KLF8: variants seen among roughly 807,000 people sequenced by gnomAD.
KLF8 encodes the protein KLF transcription factor 8.
Under a neutral mutation model 18.2 loss-of-function variants are expected in KLF8, and 10 were observed. The observed-to-expected ratio is 0.55, with a 90% CI of 0.34 to 0.93. The LOEUF is 0.93. Among genes scored for constraint, KLF8 ranks in the 40% least tolerant of loss-of-function variants. The pLI is 0.02. For missense variants in KLF8, 264 were observed against 277.9 expected, an observed-to-expected ratio of 0.95 and a Z score of 0.36; for synonymous variants, 109 against 97.3, an observed-to-expected ratio of 1.12 and a Z score of -0.71.
At chrX:56,000,112 G>A in the KLF8 span, among the ~76,000 whole-genome samples, 49 of 111,237 alleles carry the variant, frequency 4.4e-4, no homozygotes, top group Non-Finnish European at 2.6e-4. Context: ...TAGGCTTTTT[G>A]TTTTTAATCC....
the KLF8 span, among the ~76,000 whole-genome samples, chrX:55,986,352 G>A: frequency 2.7e-5 from 3 of 112,135 alleles, no homozygotes. Context: ...ATGAATAGAT[G>A]TTAATTTTTA....
At chrX:55,950,377 A>G in the KLF8 span, among the ~76,000 whole-genome samples, 1 of 111,430 alleles carries the variant, frequency 9.0e-6, no homozygotes. Context: ...AAGCAGCATT[A>G]TGTAGTAGTT....
At position 56,269,451 on chromosome X, in the gene KLF8, A is replaced by G; in HGVS notation, c.720A>G (p.Gly240=). The change falls in exon 4 of 6, where the codon GGA becomes GGG. Residue 240 remains glycine, a synonymous_variant. Coordinates refer to ENST00000468660, the MANE Select transcript of KLF8 (RefSeq NM_007250.5). ...GTGAGGAGAGTACAATTGAGAGTGG[A>G]TCCTCAGCCTTGCAGAGTCTGCAGG... ...SDSEESTIES[G]SSALQSLQGL... 1 of 1,208,304 alleles carries G rather than the reference A, an allele frequency of 8.3e-7. No individual in the cohort carries two copies. The highest frequency in any genetic ancestry group is 1.1e-6 in the Non-Finnish European group (1 of 893,954).
the KLF8 span, among the ~76,000 whole-genome samples, chrX:56,209,802 A>G: frequency 9.0e-6 from 1 of 110,734 alleles, no homozygotes; most frequent in Admixed American, 9.6e-5. Flanking sequence ...TTCATTGTAT[A>G]TTGTTTGGTT....
At position 56,282,489 on chromosome X, in the gene KLF8, G is replaced by A. The variant is rs781580501; in HGVS notation, c.899-1824G>A. On this transcript the variant is annotated intron_variant, in intron 5 of 5. Coordinates refer to ENST00000468660, the MANE Select transcript of KLF8 (RefSeq NM_007250.5). ...TTGCCTTGATATAGTCCAAAGCTGTGATTCAGACTGGATTTCATTCTGTTG... is the reference window on the plus strand; with the variant it reads ...TTGCCTTGATATAGTCCAAAGCTGTAATTCAGACTGGATTTCATTCTGTTG... 1.8e-4 allele frequency among the ~76,000 whole-genome samples: 20 copies of A among 112,122 alleles called. No individual in the cohort carries two copies. The East Asian group carries it at 3.6e-3, about 20-fold the overall frequency.
chrX:56,112,988 G>A, the KLF8 span, among the ~76,000 whole-genome samples: 1 of 110,331 alleles, frequency 9.1e-6, no homozygotes, highest in African/African-American at 3.3e-5. Flanking sequence ...CAAGGAGTGG[G>A]GATCACTTGA....
the KLF8 span, among the ~76,000 whole-genome samples, chrX:56,088,576 T>C: frequency 8.9e-6 from 1 of 111,854 alleles, no homozygotes; most frequent in Non-Finnish European, 1.9e-5. Context: ...ACTTTCCTTT[T>C]TATTACCTGA....
At chrX:56,079,828 G>C in the KLF8 span, among the ~76,000 whole-genome samples, 1 of 110,903 alleles carries the variant, frequency 9.0e-6, no homozygotes, top group Admixed American at 9.6e-5. Context: ...GAATCTCGGT[G>C]CTCCTGTATT....
the KLF8 span, among the ~76,000 whole-genome samples, chrX:55,914,330 G>GA: frequency 8.9e-6 from 1 of 111,797 alleles, no homozygotes; most frequent in Non-Finnish European, 1.9e-5. Context: ...GCTACAGCCT[G>GA]GGTATACAAA....
chrX:56,064,552 T>G, the KLF8 span, among the ~76,000 whole-genome samples: 50 of 111,697 alleles, frequency 4.5e-4, no homozygotes, highest in African/African-American at 1.5e-3. Context: ...TTGTGTCATT[T>G]TATTAGTTGA....
At chrX:55,937,551 A>C in the KLF8 span, among the ~76,000 whole-genome samples, 1 of 112,491 alleles carries the variant, frequency 8.9e-6, no homozygotes, top group East Asian at 2.8e-4. Context: ...TGAGAGAAGA[A>C]GGCTTCAGAA....
At chrX:56,219,851 A>G in the KLF8 span, among the ~76,000 whole-genome samples, 2 of 111,990 alleles carry the variant, frequency 1.8e-5, no homozygotes, top group Non-Finnish European at 3.8e-5. Context: ...GACTGTCTCA[A>G]AAAAAGAAAA....
chrX:55,940,570 A>G, the KLF8 span, among the ~76,000 whole-genome samples: 7 of 111,809 alleles, frequency 6.3e-5, no homozygotes, highest in Admixed American at 6.7e-4. Flanking sequence ...TTCAATTAGG[A>G]AAAGAGGAAG....
the KLF8 span, among the ~76,000 whole-genome samples, chrX:55,996,476 T>C: frequency 8.9e-6 from 1 of 112,136 alleles, no homozygotes; most frequent in East Asian, 2.8e-4. Context: ...TAGTTCTTTC[T>C]CATCTGTGTG....
At chrX:56,190,283 A>G in the KLF8 span, among the ~76,000 whole-genome samples, 1 of 110,988 alleles carries the variant, frequency 9.0e-6, no homozygotes, top group African/African-American at 3.3e-5. Context: ...AGAGTATATA[A>G]CAATTGTAAA....
the KLF8 span, among the ~76,000 whole-genome samples, chrX:56,203,600 G>A: frequency 2.7e-5 from 3 of 112,280 alleles, no homozygotes; most frequent in Admixed American, 9.5e-5. Flanking sequence ...TTTTACTTTC[G>A]TATATGGTGA....
the KLF8 span, among the ~76,000 whole-genome samples, chrX:56,226,201 C>A: frequency 8.9e-6 from 1 of 112,022 alleles, no homozygotes; most frequent in East Asian, 2.8e-4. Context: ...CGGGGTTAGA[C>A]TCTCCTCTAG....
chrX:56,265,968 G>GACA, intron 3 of KLF8: 1 of 933,725 alleles, frequency 1.1e-6, no homozygotes, highest in Non-Finnish European at 1.3e-6. Context: ...ATATCTATCA[G>GACA]TGACATATCA....
Position 56,270,286 on chromosome X carries a change from G to T in KLF8, c.863G>T (p.Ser288Ile). 1 of 1,177,996 alleles carries T rather than the reference G, an allele frequency of 8.5e-7. No individual in the cohort carries two copies. Among genetic ancestry groups the T allele is most frequent in the Non-Finnish European group, 1.1e-6 (1 of 876,123 alleles). The change falls in exon 5 of 6, where the codon AGC becomes ATC. Residue 288 changes from serine (S) to isoleucine (I), a missense_variant. This residue lies in a region of KLF8 where 43 missense variants were observed against 84.3 expected (regional missense o/e 0.51). Transcript: ENST00000468660. Reference protein sequence around the residue: ...FAGCSKVYTKSSHLKAHRRIH... With the variant: ...FAGCSKVYTKISHLKAHRRIH... ...GGATGCAGCAAAGTGTACACCAAAAGCTCTCACCTGAAAGCTCACCGCAGA... is the reference window on the plus strand; with the variant it reads ...GGATGCAGCAAAGTGTACACCAAAATCTCTCACCTGAAAGCTCACCGCAGA...
Sources: allele counts gnomAD v4.1 joint callset (sites outside exome capture counted in the v4.1 genomes callset), GRCh38; gene constraint gnomAD v4.1.1; regional missense constraint gnomAD v4.1.1; transcripts MANE v1.5; gene names NCBI Gene and HGNC (gene_info 2026-07-23, HGNC 2026-07-21).